Variants in FMN1 observed in about 807,000 individuals in gnomAD.
The protein encoded by FMN1 is formin-1.
FMN1 carries 110 observed loss-of-function variants against 132.4 expected under a neutral mutation model. The observed-to-expected ratio is 0.83, with a 90% CI of 0.71 to 0.97. The LOEUF is 0.97. FMN1 is among the 50% of genes least tolerant of loss of function. FMN1 has a pLI of 0.00. For synonymous variants in FMN1, 722 were observed against 651.7 expected, an observed-to-expected ratio of 1.11 and a Z score of -1.64; for missense variants, 1,792 against 1,705.3, an observed-to-expected ratio of 1.05 and a Z score of -0.90.
rs1314390112 is a variant in FMN1 at position 33,088,912 on chromosome 15, T to G, written c.1930A>C (p.Asn644His). 6.5e-7 allele frequency: 1 copy of G among 1,535,780 alleles called. No individual in the cohort carries two copies. The highest frequency in any genetic ancestry group is 2.0e-5 in the Admixed American group (1 of 50,954). Residue 644 changes from asparagine to histidine, a missense_variant, in exon 5 of 21, where the codon AAC (asparagine) becomes CAC (histidine). By Grantham distance (68) the Asn-to-His change is moderately conservative. This residue lies in a region of FMN1 where 1,150 missense variants were observed against 1,043.1 expected (regional missense o/e 1.10). Transcript: ENST00000616417. ...AGAACCCACGCGCCTCCATCTCTGT[T>G]GGGAAGGTCTTTAGGTGTCTGCTCA... ...FNEQTPKDLP[N>H]RDGGAWVLGY...
At chr15:32,940,507 A>G (rs16961611) in intron 9 of FMN1, among the ~76,000 whole-genome samples, 10,271 of 152,066 alleles carry the variant, frequency 0.068, 390 homozygotes, top group East Asian at 0.12. Context: ...GCTACTCATA[A>G]GATCAGTAAC....
At chr15:32,848,801 A>G (rs1384924920) in intron 17 of FMN1, among the ~76,000 whole-genome samples, 1 of 152,192 alleles carries the variant, frequency 6.6e-6, no homozygotes, top group African/African-American at 2.4e-5. Flanking sequence ...GCATACGCCT[A>G]TGAACCTCAT....
At chr15:33,067,765 C>G in intron 5 of FMN1, 2 of 1,613,998 alleles carry the variant, frequency 1.2e-6, no homozygotes, top group South Asian at 1.1e-5. Flanking sequence ...TACTCGTAAA[C>G]CCAAATAGGG....
At chr15:32,803,498 T>C (rs1448413377) in intron 18 of FMN1, among the ~76,000 whole-genome samples, 3 of 152,156 alleles carry the variant, frequency 2.0e-5, no homozygotes, top group Non-Finnish European at 4.4e-5. Context: ...AGCAAGAAGA[T>C]GCCTGAAGTG....
intron 5 of FMN1, among the ~76,000 whole-genome samples, chr15:33,069,105 A>G (rs989216392): frequency 7.2e-5 from 11 of 152,240 alleles, no homozygotes; most frequent in African/African-American, 2.4e-4. Context: ...AAAAGTCTCT[A>G]TCAGTCAGAT....
chr15:33,086,694 C>CT (rs1172695493), intron 5 of FMN1, among the ~76,000 whole-genome samples: 1 of 152,218 alleles, frequency 6.6e-6, no homozygotes, highest in East Asian at 1.9e-4. Flanking sequence ...ACAGATGTCA[C>CT]TGTTACACTT....
At chr15:33,134,129 T>A (rs1330700225) in intron 4 of FMN1, among the ~76,000 whole-genome samples, 2 of 152,146 alleles carry the variant, frequency 1.3e-5, no homozygotes, top group Admixed American at 6.5e-5. Flanking sequence ...TTGTATTTTC[T>A]GTAGAGATAG....
chr15:32,861,850 TG>T (rs1187384940), intron 16 of FMN1, among the ~76,000 whole-genome samples: 1 of 152,122 alleles, frequency 6.6e-6, no homozygotes, highest in Admixed American at 6.5e-5. Context: ...CGAAGCAAAA[TG>T]GGAAACAATT....
At chr15:33,118,703 AAT>A (rs1278548514) in intron 4 of FMN1, among the ~76,000 whole-genome samples, 3 of 152,180 alleles carry the variant, frequency 2.0e-5, no homozygotes, top group African/African-American at 7.2e-5. Flanking sequence ...TTCCATATGA[AAT>A]ATTAGATACA....
intron 4 of FMN1, among the ~76,000 whole-genome samples, chr15:33,108,172 CCTCT>C (rs1030100390): frequency 5.3e-5 from 8 of 151,958 alleles, no homozygotes; most frequent in African/African-American, 1.7e-4. Flanking sequence ...TTGACTAAGC[CCTCT>C]CTGTTTTCTT....
intron 16 of FMN1, among the ~76,000 whole-genome samples, chr15:32,872,623 G>C: frequency 6.6e-6 from 1 of 152,224 alleles, no homozygotes; most frequent in East Asian, 1.9e-4. Flanking sequence ...AAGGAAATCA[G>C]TAAGAGGAAG....
Position 32,772,084 on chromosome 15 carries a change from G to A in FMN1, c.*2226C>T, listed in dbSNP as rs2056265672. On this transcript the variant is annotated 3_prime_UTR_variant, in exon 21 of 21. Transcript: ENST00000616417. ...GGCAAACCTTGCTTTGTAGAAATAGGTATTTTACTGCAAAGTTTTAGTCTG... is the reference window on the plus strand; with the variant it reads ...GGCAAACCTTGCTTTGTAGAAATAGATATTTTACTGCAAAGTTTTAGTCTG... 1 of 152,176 alleles carries A rather than the reference G, an allele frequency of 6.6e-6. No individual in the cohort carries two copies. The highest frequency in any genetic ancestry group is 1.5e-5 in the Non-Finnish European group (1 of 68,038). The allele number at this position is 152,176 out of a possible 1,614,324, so 9.4% of individuals were successfully genotyped here. A position where few individuals can be genotyped will look rare whatever the true frequency, so the allele number is the denominator to read the frequency against.
At chr15:32,902,159 A>C in intron 12 of FMN1, 119 bp from the exon 13 acceptor site, 3 of 855,622 alleles carry the variant, frequency 3.5e-6, no homozygotes, top group Non-Finnish European at 5.3e-6. Flanking sequence ...CAATTATAAA[A>C]GGTGTCACAT....
Position 32,969,117 on chromosome 15 carries a change from A to T in FMN1, c.2584T>A (p.Ser862Thr). The T allele has an allele frequency of 1.9e-6, 3 of 1,613,258 alleles. No homozygotes were observed. Among genetic ancestry groups the T allele is most frequent in the Non-Finnish European group, 1.7e-6 (2 of 1,179,430 alleles). ...AALQPMEGMA[S>T]NQQKALPPPP... is the part of the protein sequence containing the mutation. ...GGAGGCAATGCCTTCTGCTGATTTGATGCCATGCCCTCCATTGGCTGGAGT... is the reference window on the plus strand; with the variant it reads ...GGAGGCAATGCCTTCTGCTGATTTGTTGCCATGCCCTCCATTGGCTGGAGT... Residue 862 changes from serine to threonine, a missense_variant, in exon 8 of 21, where the codon TCA becomes ACA. Ser to Thr is a moderately conservative substitution (Grantham distance 58). This residue lies in a region of FMN1 where 1,150 missense variants were observed against 1,043.1 expected (regional missense o/e 1.10). Transcript: ENST00000616417.
rs147487061 is a variant in FMN1 at position 32,960,724 on chromosome 15, G to A, written c.3138+3383C>T. Among the ~76,000 whole-genome samples the A allele has an allele frequency of 1.4e-3, 214 of 152,102 alleles. 2 individuals are homozygous for A. The East Asian group carries it at 0.02, about 14-fold the overall frequency. ...TTAACAAGGAAACGTAGCCTGGCAC[G>A]GTGGCTCACGCCTGTAATCCCAGCA... On this transcript the variant is annotated intron_variant, in intron 9 of 20. Coordinates refer to ENST00000616417, the MANE Select transcript of FMN1 (RefSeq NM_001277313.2).
intron 18 of FMN1, among the ~76,000 whole-genome samples, chr15:32,799,307 T>C (rs2339157): frequency 0.82 from 124,809 of 152,084 alleles, 51,266 homozygotes; most frequent in East Asian, 0.97. Flanking sequence ...ACATGCAAGG[T>C]GGATGACACA....
At chr15:33,123,386 T>C (rs902226335) in intron 4 of FMN1, among the ~76,000 whole-genome samples, 3 of 152,136 alleles carry the variant, frequency 2.0e-5, no homozygotes, top group Non-Finnish European at 1.5e-5. Context: ...TACTGCACTA[T>C]ATAGTATACA....
chr15:32,915,280 T>A (rs2060657309), intron 10 of FMN1, among the ~76,000 whole-genome samples: 1 of 152,214 alleles, frequency 6.6e-6, no homozygotes, highest in South Asian at 2.1e-4. Context: ...CCACACCTGA[T>A]AATTCTATTC....
intron 9 of FMN1, among the ~76,000 whole-genome samples, chr15:32,931,717 G>A (rs1397872823): frequency 6.6e-6 from 1 of 152,022 alleles, no homozygotes; most frequent in Non-Finnish European, 1.5e-5. Context: ...ATGTCTCTAT[G>A]ACTTTCAGCA....
Sources: allele counts gnomAD v4.1 joint callset (sites outside exome capture counted in the v4.1 genomes callset), GRCh38; gene constraint gnomAD v4.1.1; regional missense constraint gnomAD v4.1.1; transcripts MANE v1.5; gene names NCBI Gene and HGNC (gene_info 2026-07-23, HGNC 2026-07-21).